PIK3R1: variants seen among roughly 807,000 people sequenced by gnomAD.
PIK3R1 encodes phosphoinositide-3-kinase regulatory subunit 1.
In PIK3R1, 29 loss-of-function variants were observed where a neutral mutation model predicts 98.0. The observed-to-expected ratio is 0.30, with a 90% CI of 0.22 to 0.40. The LOEUF (loss-of-function observed/expected upper bound fraction) is 0.40. PIK3R1 is among the 10% of genes least tolerant of loss of function. The pLI, the probability that PIK3R1 is intolerant of heterozygous loss-of-function variation, is 1.00. For missense variants in PIK3R1, 596 were observed against 872.7 expected (o/e 0.68, Z 3.99); for synonymous variants, 282 against 311.8 (o/e 0.90, Z 1.01).
At chr5:68,279,333 C>T (rs760038108) in intron 4 of PIK3R1, among the ~76,000 whole-genome samples, 1 of 152,152 alleles carries the variant, frequency 6.6e-6, no homozygotes, top group Non-Finnish European at 1.5e-5. Flanking sequence ...AGGTCTGCTA[C>T]TGGCATCATG....
chr5:68,293,927 C>T (rs11960604), intron 11 of PIK3R1, 93 bp downstream of exon 11: 46 of 946,780 alleles, frequency 4.9e-5, no homozygotes, highest in African/African-American at 1.2e-4. Flanking sequence ...TGAGTTTTTA[C>T]GAATGAGGTG....
Position 68,300,878 on chromosome 5 carries a change from G to A in PIK3R1, c.*3277G>A, listed in dbSNP as rs1748004659. The A allele has an allele frequency of 8.6e-6, 2 of 233,104 alleles. No homozygotes were observed. The highest frequency in any genetic ancestry group is 1.7e-5 in the Non-Finnish European group (2 of 117,996). The allele number at this position is 233,104 out of a possible 1,614,324, so 14.4% of individuals were successfully genotyped here. A position where few individuals can be genotyped will look rare whatever the true frequency, so the allele number is the denominator to read the frequency against. ...TGTTTTTAAAAGTTACTCCTTTTAGGGAGCTGGTCTGATGACTTGCTTAGC... is the reference window on the plus strand; with the variant it reads ...TGTTTTTAAAAGTTACTCCTTTTAGAGAGCTGGTCTGATGACTTGCTTAGC... On this transcript the variant is annotated 3_prime_UTR_variant, in exon 16 of 16. Transcript: ENST00000521381.
rs1424772214 is a variant in PIK3R1, at chr5:68,273,286, T to G, written c.335-104T>G. On this transcript the variant is annotated intron_variant, in intron 2 of 15. Coordinates refer to ENST00000521381, the MANE Select transcript of PIK3R1 (RefSeq NM_181523.3). ...AAAAGCCCAGAGCAGGGGTTCTTCTTGCTCGGGCCTGATGTAATTAAATTA... is the reference window on the plus strand; with the variant it reads ...AAAAGCCCAGAGCAGGGGTTCTTCTGGCTCGGGCCTGATGTAATTAAATTA... 2.8e-6 allele frequency: 3 copies of G among 1,068,782 alleles called. No individual in the cohort carries two copies. The African/African-American group carries it at 4.7e-5, about 17-fold the overall frequency. The allele number at this position is 1,068,782 out of a possible 1,614,324, so 66.2% of individuals were successfully genotyped here.
chr5:68,262,386 T>TATATATATATATATATA (rs576101819), intron 2 of PIK3R1, among the ~76,000 whole-genome samples: 66 of 138,528 alleles, frequency 4.8e-4, no homozygotes, highest in African/African-American at 1.5e-3. Flanking sequence ...TCTATAATTT[T>TATATATATATATATATA]TATATATATA....
intron 1 of PIK3R1, among the ~76,000 whole-genome samples, chr5:68,224,383 C>T (rs1242916754): frequency 1.3e-5 from 2 of 151,986 alleles, no homozygotes; most frequent in Non-Finnish European, 2.9e-5. Flanking sequence ...TTTTTTTCTC[C>T]GACAACTGAA....
Position 68,299,438 on chromosome 5 carries a change from G to GT in PIK3R1, c.*1837_*1838insT, listed in dbSNP as rs929284235. ...TCATTGTATGTGCTTCACTACGGGG[G>GT]GGAGAAGGAAACGTTAGCATCATGT... On this transcript the variant is annotated 3_prime_UTR_variant, in exon 16 of 16. Transcript: ENST00000521381. The GT allele has an allele frequency of 4.3e-6, 1 of 233,498 alleles. No homozygotes were observed. The highest frequency in any genetic ancestry group is 2.2e-5 in the African/African-American group (1 of 45,422). 14.5% of individuals were successfully genotyped at this position (233,498 alleles called of 1,614,324 possible).
At position 68,262,767 on chromosome 5, in the gene PIK3R1, AC is replaced by A. The variant is rs1179997725; in HGVS notation, c.335-10622del. On this transcript the variant is annotated intron_variant, in intron 2 of 15. Coordinates refer to ENST00000521381, the MANE Select transcript of PIK3R1 (RefSeq NM_181523.3). ...CATGTAGATACATGTATACATATAT[AC>A]ATGTAGATGCATGTAGATACATGTA... Among the ~76,000 whole-genome samples, 58 of 131,270 alleles carry A rather than the reference AC, an allele frequency of 4.4e-4. 1 individual carries two copies. The highest frequency in any genetic ancestry group is 1.6e-3 in the African/African-American group (54 of 34,056). 86.1% of individuals were successfully genotyped at this position (131,270 alleles called of 152,430 possible). A position where few individuals can be genotyped will look rare whatever the true frequency, so the allele number is the denominator to read the frequency against.
chr5:68,252,821 T>C (rs1745368342), intron 2 of PIK3R1, among the ~76,000 whole-genome samples: 1 of 152,206 alleles, frequency 6.6e-6, no homozygotes, highest in South Asian at 2.1e-4. Context: ...CTAATGCTCT[T>C]AGCAACTTTG....
At chr5:68,250,727 G>A (rs1745273482) in intron 2 of PIK3R1, among the ~76,000 whole-genome samples, 1 of 152,168 alleles carries the variant, frequency 6.6e-6, no homozygotes, top group South Asian at 2.1e-4. Context: ...CAATCCACAT[G>A]TAAGTTGGAG....
rs1580275261 is a variant in PIK3R1, at chr5:68,301,131, T to G, written c.*3530T>G. ...GCAGACACTGAGATCTGTTTGAGTT[T>G]AGGGTCATTTTTAGAAAGGGGCAGT... On this transcript the variant is annotated 3_prime_UTR_variant, in exon 16 of 16. Coordinates refer to ENST00000521381, the MANE Select transcript of PIK3R1 (RefSeq NM_181523.3). 1.3e-5 allele frequency: 3 copies of G among 226,980 alleles called. No homozygotes were observed. Among genetic ancestry groups the G allele is most frequent in the East Asian group, 1.3e-4 (2 of 15,704 alleles). 14.1% of individuals were successfully genotyped at this position (226,980 alleles called of 1,614,324 possible).
At chr5:68,247,834 G>T (rs192507100) in intron 2 of PIK3R1, among the ~76,000 whole-genome samples, 12 of 152,152 alleles carry the variant, frequency 7.9e-5, no homozygotes, top group Admixed American at 7.9e-4. Context: ...TTGGCCTTTG[G>T]TGCCAGGGCC....
intron 10 of PIK3R1, 113 bp downstream of exon 10, chr5:68,293,596 C>T (rs1467523864): frequency 1.1e-5 from 13 of 1,163,368 alleles, no homozygotes; most frequent in Admixed American, 5.1e-5. Context: ...AAAAACTTGA[C>T]ACTCGTAATT....
Position 68,296,227 on chromosome 5 carries a change from G to A in PIK3R1, c.1871G>A (p.Trp624Ter). 1 of 1,614,196 alleles carries A rather than the reference G, an allele frequency of 6.2e-7. No individual in the cohort carries two copies. The highest frequency in any genetic ancestry group is 8.5e-7 in the Non-Finnish European group (1 of 1,180,018). The part of the protein sequence containing the change: ...EDLPHHDEKT[W>*]NVGSSNRNKA... ...TTGCCCCATCATGATGAGAAGACAT[G>A]GAATGTTGGAAGCAGCAACCGAAAC... Residue 624 changes from tryptophan to a stop codon, truncating the protein, a stop_gained, in exon 15 of 16, where the codon TGG becomes TAG. Coordinates refer to ENST00000521381, the MANE Select transcript of PIK3R1 (RefSeq NM_181523.3). LOFTEE classifies it high-confidence loss of function.
rs2112292044 is a variant in PIK3R1 at position 68,297,506 on chromosome 5, C to A, written c.2080C>A (p.Leu694Met). ...PYNLYSSLKELVLHYQHTSLV... is the reference protein window; with the variant it reads ...PYNLYSSLKEMVLHYQHTSLV... ...TAACTTGTACAGCTCTCTGAAAGAACTGGTGCTACATTACCAACACACCTC... is the reference window on the plus strand; with the variant it reads ...TAACTTGTACAGCTCTCTGAAAGAAATGGTGCTACATTACCAACACACCTC... The change falls in exon 16 of 16, where the codon CTG (leucine) becomes ATG (methionine). Residue 694 changes from leucine to methionine, a missense_variant. Leu to Met is a conservative substitution (Grantham distance 15, BLOSUM62 2). This residue lies in a region of PIK3R1 where 207 missense variants were observed against 361.4 expected (regional missense o/e 0.57). Coordinates refer to ENST00000521381, the MANE Select transcript of PIK3R1 (RefSeq NM_181523.3). 1 of 1,614,156 alleles carries A rather than the reference C, an allele frequency of 6.2e-7. No individual in the cohort carries two copies. Among genetic ancestry groups the A allele is most frequent in the Non-Finnish European group, 8.5e-7 (1 of 1,179,956 alleles).
chr5:68,297,373 G>T, intron 15 of PIK3R1, 39 bp from the exon 16 acceptor site: 1 of 1,520,558 alleles, frequency 6.6e-7, no homozygotes, highest in South Asian at 1.2e-5. Context: ...AATTGTCTTG[G>T]ACAAGCTCAA....
intron 2 of PIK3R1, 44 bp from the exon 3 acceptor site, chr5:68,273,346 A>T (rs1178319963): frequency 6.5e-7 from 1 of 1,530,270 alleles, no homozygotes; most frequent in Admixed American, 1.7e-5. Context: ...TAATGCATTC[A>T]ACTATCCAAA....
In PIK3R1 at chr5:68,215,894, G is replaced by C. The variant is rs1743838979; in HGVS notation, c.-442G>C. 1 of 151,536 alleles carries C rather than the reference G, an allele frequency of 6.6e-6. No homozygotes were observed. The highest frequency in any genetic ancestry group is 1.5e-5 in the Non-Finnish European group (1 of 67,808). 9.4% of individuals were successfully genotyped at this position (151,536 alleles called of 1,614,324 possible). A position where few individuals can be genotyped will look rare whatever the true frequency, so the allele number is the denominator to read the frequency against. ...CTGGAGGCCGGTCGGAACCGAGCGG[G>C]CAGGAGGCCACCGCTGCAGCGCGGG... On this transcript the variant is annotated 5_prime_UTR_variant, in exon 1 of 16. Coordinates refer to ENST00000521381, the MANE Select transcript of PIK3R1 (RefSeq NM_181523.3).
intron 2 of PIK3R1, among the ~76,000 whole-genome samples, chr5:68,248,261 C>T (rs1200825853): frequency 6.6e-6 from 1 of 152,140 alleles, no homozygotes; most frequent in Non-Finnish European, 1.5e-5. Context: ...GGATTACAGG[C>T]ATGAGCCACC....
chr5:68,216,435 G>T (rs898905752), intron 1 of PIK3R1, among the ~76,000 whole-genome samples: 3 of 152,334 alleles, frequency 2.0e-5, no homozygotes, highest in Admixed American at 6.5e-5. Flanking sequence ...GTCGCTGCCC[G>T]GGCCCTTCCC....
Sources: allele counts gnomAD v4.1 joint callset (sites outside exome capture counted in the v4.1 genomes callset), GRCh38; gene constraint gnomAD v4.1.1; regional missense constraint gnomAD v4.1.1; transcripts MANE v1.5; gene names NCBI Gene and HGNC (gene_info 2026-07-23, HGNC 2026-07-21).